DYNC1I1: variants seen among roughly 807,000 people sequenced by gnomAD.
DYNC1I1 encodes cytoplasmic dynein 1 intermediate chain 1.
A neutral mutation model predicts 86.6 loss-of-function variants in DYNC1I1; 43 were observed. That is an observed-to-expected ratio of 0.50 (90% CI 0.39 to 0.64). The LOEUF (loss-of-function observed/expected upper bound fraction) is 0.64. DYNC1I1 is among the 30% of genes least tolerant of loss of function. The pLI, the probability that DYNC1I1 is intolerant of heterozygous loss-of-function variation, is 0.00. For synonymous variants in DYNC1I1, 262 were observed against 283.7 expected (o/e 0.92, Z 0.77); for missense variants, 604 against 788.8 (o/e 0.77, Z 2.81).
intron 6 of DYNC1I1, among the ~76,000 whole-genome samples, chr7:95,937,750 A>G (rs924018395): frequency 6.6e-6 from 1 of 152,064 alleles, no homozygotes; most frequent in South Asian, 2.1e-4. Flanking sequence ...ATGCAAAAAT[A>G]TTATTATACT....
intron 9 of DYNC1I1, among the ~76,000 whole-genome samples, chr7:95,990,425 A>G (rs964072893): frequency 1.3e-5 from 2 of 152,148 alleles, no homozygotes; most frequent in African/African-American, 2.4e-5. Context: ...TACAACAGCA[A>G]AAAGATTACT....
At chr7:95,895,111 C>T (rs535055044) in intron 6 of DYNC1I1, among the ~76,000 whole-genome samples, 35 of 152,274 alleles carry the variant, frequency 2.3e-4, no homozygotes, top group Admixed American at 9.2e-4. Flanking sequence ...ACAGTGACCA[C>T]GACCCTTTTT....
chr7:96,098,609 G>T (rs1791080066), downstream of DYNC1I1, among the ~76,000 whole-genome samples: 4 of 152,120 alleles, frequency 2.6e-5, no homozygotes, highest in Non-Finnish European at 5.9e-5. Context: ...AATGTGTGTG[G>T]TTTTTTTGGA....
At chr7:96,102,497 G>T (rs1379628982), downstream of DYNC1I1, among the ~76,000 whole-genome samples, 1 of 152,162 alleles carries the variant, frequency 6.6e-6, no homozygotes, top group Non-Finnish European at 1.5e-5. Flanking sequence ...AGCTGCTGAA[G>T]CTTAGAGCCC....
intron 3 of DYNC1I1, 156 bp from the exon 4 acceptor site, chr7:95,813,091 T>TC: frequency 7.5e-7 from 1 of 1,338,412 alleles, no homozygotes; most frequent in Non-Finnish European, 9.9e-7. Context: ...TCCTTTTCTT[T>TC]CCTTTTTTTT....
intron 10 of DYNC1I1, among the ~76,000 whole-genome samples, chr7:96,004,859 A>C (rs1208520655): frequency 6.6e-6 from 1 of 152,246 alleles, no homozygotes; most frequent in East Asian, 1.9e-4. Context: ...ACATGGCAGC[A>C]TTAGCTTGGT....
intron 6 of DYNC1I1, among the ~76,000 whole-genome samples, chr7:95,873,740 C>A (rs2116186536): frequency 6.6e-6 from 1 of 152,296 alleles, no homozygotes; most frequent in Middle Eastern, 3.4e-3. Flanking sequence ...GATGAAGATG[C>A]AAAGAGAAAG....
At chr7:95,776,063 G>A (rs531155396) in intron 1 of DYNC1I1, among the ~76,000 whole-genome samples, 3 of 152,022 alleles carry the variant, frequency 2.0e-5, no homozygotes, top group East Asian at 1.9e-4. Context: ...CTGGAGGCTC[G>A]TGCCTGTAAT....
At chr7:95,936,788 T>C (rs1206864035) in intron 6 of DYNC1I1, among the ~76,000 whole-genome samples, 2 of 151,964 alleles carry the variant, frequency 1.3e-5, no homozygotes, top group African/African-American at 4.8e-5. Flanking sequence ...AAAGGGAATG[T>C]CATTTTTTAA....
chr7:95,887,109 A>C (rs75907691), intron 6 of DYNC1I1, among the ~76,000 whole-genome samples: 1 of 152,142 alleles, frequency 6.6e-6, no homozygotes, highest in African/African-American at 2.4e-5. Context: ...TTCCGTCTCT[A>C]TGCTCTGGTC....
At position 96,078,132 on chromosome 7, in the gene DYNC1I1, G is replaced by A. The variant is rs532989509; in HGVS notation, c.1650+1935G>A. ...CTTAAAAAAATCTGAATTATCAGTA[G>A]AGCAGTATGTTTGGTTGTTGTTTTT... On this transcript the variant is annotated intron_variant, in intron 15 of 16. Coordinates refer to ENST00000447467, the MANE Select transcript of DYNC1I1 (RefSeq NM_001135556.2). Among the ~76,000 whole-genome samples the A allele has an allele frequency of 5.3e-5, 8 of 152,242 alleles. No individual in the cohort carries two copies. The East Asian group carries it at 1.4e-3, about 26-fold the overall frequency.
At chr7:95,822,958 G>T (rs116442238) in intron 4 of DYNC1I1, among the ~76,000 whole-genome samples, 1 of 152,126 alleles carries the variant, frequency 6.6e-6, no homozygotes, top group East Asian at 1.9e-4. Flanking sequence ...TGGTGGGGGA[G>T]GGCAGGGGAA....
At chr7:96,096,464 A>G (rs1791010265) in intron 16 of DYNC1I1, among the ~76,000 whole-genome samples, 1 of 152,202 alleles carries the variant, frequency 6.6e-6, no homozygotes, top group Admixed American at 6.5e-5. Flanking sequence ...TAAAATCTAA[A>G]TGAATTTTAT....
At chr7:96,051,250 G>T (rs1789396575) in intron 14 of DYNC1I1, among the ~76,000 whole-genome samples, 1 of 152,058 alleles carries the variant, frequency 6.6e-6, no homozygotes, top group Non-Finnish European at 1.5e-5. Context: ...GGGGATTTAG[G>T]TTCATGATAC....
chr7:96,094,453 G>A (rs1452944208), intron 16 of DYNC1I1, among the ~76,000 whole-genome samples: 2 of 152,166 alleles, frequency 1.3e-5, no homozygotes, highest in Non-Finnish European at 2.9e-5. Flanking sequence ...GCCAGGAACT[G>A]CCAAGGGTAA....
At chr7:95,777,655 G>A (rs1056721975) in intron 1 of DYNC1I1, among the ~76,000 whole-genome samples, 1 of 152,122 alleles carries the variant, frequency 6.6e-6, no homozygotes, top group African/African-American at 2.4e-5. Context: ...CATTTTGGGG[G>A]TTCAGAACAG....
At chr7:95,872,178 G>A (rs1057363517) in intron 6 of DYNC1I1, among the ~76,000 whole-genome samples, 1 of 152,146 alleles carries the variant, frequency 6.6e-6, no homozygotes, top group African/African-American at 2.4e-5. Context: ...CGGCAGATGT[G>A]GGTTGGCTCC....
intron 1 of DYNC1I1, among the ~76,000 whole-genome samples, chr7:95,773,184 G>A (rs574994487): frequency 3.3e-5 from 5 of 152,238 alleles, no homozygotes; most frequent in Non-Finnish European, 7.3e-5. Flanking sequence ...AAGCTGCAGA[G>A]GGAGGGGAAA....
At chr7:95,803,014 G>A (rs376349406) in intron 1 of DYNC1I1, among the ~76,000 whole-genome samples, 1 of 152,124 alleles carries the variant, frequency 6.6e-6, no homozygotes, top group African/African-American at 2.4e-5. Context: ...TTAGCATTTT[G>A]CTCTGCATTC....
Sources: gnomAD v4.1 joint callset for allele counts (sites outside exome capture counted in the v4.1 genomes callset) on GRCh38, gnomAD v4.1.1 for gene constraint, MANE v1.5 for transcripts, NCBI Gene and HGNC (gene_info 2026-07-23, HGNC 2026-07-21) for gene names.